NRIP1: variants seen among roughly 807,000 people sequenced by gnomAD.
The protein encoded by NRIP1 is nuclear receptor interacting protein 1, also known as nuclear receptor-interacting protein 1.
In NRIP1, 28 loss-of-function variants were observed where a neutral mutation model predicts 75.0. That is an observed-to-expected ratio of 0.37 (90% CI 0.28 to 0.51). NRIP1 has a LOEUF of 0.51. Among genes scored for constraint, NRIP1 ranks in the 20% least tolerant of loss-of-function variants. The pLI, the probability that NRIP1 is intolerant of heterozygous loss-of-function variation, is 0.92. For synonymous variants in NRIP1, 526 were observed against 487.6 expected (o/e 1.08, Z -1.04); for missense variants, 1,435 against 1,343.7 (o/e 1.07, Z -1.06).
chr21:14,966,152 C>A lies in NRIP1; in HGVS notation c.2041G>T (p.Val681Phe). 6.2e-7 allele frequency: 1 copy of A among 1,613,324 alleles called. No homozygotes were observed. The highest frequency in any genetic ancestry group is 8.5e-7 in the Non-Finnish European group (1 of 1,179,906). ...SPLLSNKTNA[V>F]EENKAFSSQP... The stretch of plus-strand genomic sequence containing the variant: ...CTACTAAATGCTTTATTTTCTTCAA[C>A]TGCATTTGTTTTATTTGAGAGCAAA... The change falls in exon 4 of 4, where the codon GTT becomes TTT. Residue 681 changes from valine (V) to phenylalanine (F), a missense_variant. By Grantham distance (50) the Val-to-Phe change is conservative. Transcript: ENST00000318948.
In NRIP1 at chr21:14,967,106, T is replaced by C; in HGVS notation, c.1087A>G (p.Lys363Glu). 1 of 1,614,146 alleles carries C rather than the reference T, an allele frequency of 6.2e-7. No homozygotes were observed. The stretch of plus-strand genomic sequence containing the variant: ...ATATTGTTTCTTTCCAGTGAGTTCT[T>C]ATAACCTGCATTTTTAGGGGAAGAA... ...IPSSPKNAGY[K>E]NSLERNNIKQ... The change falls in exon 4 of 4, where the codon AAG (lysine) becomes GAG (glutamate). Residue 363 changes from lysine to glutamate, a missense_variant. By Grantham distance (56) the Lys-to-Glu change is moderately conservative. Transcript: ENST00000318948.
chr21:15,018,857 C>T (rs1055776143), intron 2 of NRIP1, among the ~76,000 whole-genome samples: 1 of 152,050 alleles, frequency 6.6e-6, no homozygotes, highest in African/African-American at 2.4e-5. Flanking sequence ...AACTTCCAGT[C>T]TAGTGTTGAA....
At chr21:15,009,977 G>A (rs947257574) in intron 3 of NRIP1, among the ~76,000 whole-genome samples, 3 of 152,196 alleles carry the variant, frequency 2.0e-5, no homozygotes, top group Non-Finnish European at 4.4e-5. Context: ...GATGGCAGGT[G>A]GGGAGGAGGT....
intron 2 of NRIP1, among the ~76,000 whole-genome samples, chr21:15,040,988 C>A (rs2088939556): frequency 6.6e-6 from 1 of 152,098 alleles, no homozygotes; most frequent in Non-Finnish European, 1.5e-5. Context: ...CCCAGCAGTT[C>A]CACTCCCATG....
intron 2 of NRIP1, among the ~76,000 whole-genome samples, chr21:15,021,176 T>C (rs1030683591): frequency 2.6e-5 from 4 of 152,082 alleles, no homozygotes; most frequent in Non-Finnish European, 5.9e-5. Flanking sequence ...CCATCAACTA[T>C]TAAAGGCAAG....
chr21:14,992,987 C>T (rs1353276396), intron 3 of NRIP1: 1 of 153,618 alleles, frequency 6.5e-6, no homozygotes, highest in Non-Finnish European at 1.5e-5. Context: ...CATTGGATAG[C>T]TGATACTTGT....
At chr21:15,035,067 T>G (rs761228256) in intron 2 of NRIP1, among the ~76,000 whole-genome samples, 3 of 152,164 alleles carry the variant, frequency 2.0e-5, no homozygotes, top group Non-Finnish European at 2.9e-5. Flanking sequence ...TTAACTGATT[T>G]ACTAAGAGTA....
intron 3 of NRIP1, among the ~76,000 whole-genome samples, chr21:15,013,394 A>G (rs1373050870): frequency 6.6e-6 from 1 of 152,196 alleles, no homozygotes; most frequent in African/African-American, 2.4e-5. Flanking sequence ...ACAGGTAAAG[A>G]GCAAATTTGG....
chr21:15,057,572 C>A (rs561199803), intron 1 of NRIP1, among the ~76,000 whole-genome samples: 2 of 152,328 alleles, frequency 1.3e-5, no homozygotes, highest in African/African-American at 4.8e-5. Flanking sequence ...CTTGGAGAAT[C>A]CAGGCTATGA....
In NRIP1 at chr21:14,967,897, T is replaced by C; in HGVS notation, c.296A>G (p.Lys99Arg). 1 of 1,614,170 alleles carries C rather than the reference T, an allele frequency of 6.2e-7. No individual in the cohort carries two copies. The highest frequency in any genetic ancestry group is 8.5e-7 in the Non-Finnish European group (1 of 1,180,028). ...ATTCATGATAGAATCAGACAGCCTC[T>C]TCCGCTTTGCTGCATTCCAGTCCTC... is the stretch of plus-strand genomic sequence containing the variant. ...SSEDWNAAKR[K>R]RLSDSIMNLN... Residue 99 changes from lysine (K) to arginine (R), a missense_variant, in exon 4 of 4, where the codon AAG becomes AGG. Physicochemically the swap from Lys to Arg is conservative, Grantham distance 26. Transcript: ENST00000318948.
chr21:15,053,124 C>T (rs1020299293), intron 1 of NRIP1, among the ~76,000 whole-genome samples: 3 of 152,060 alleles, frequency 2.0e-5, no homozygotes, highest in Admixed American at 2.0e-4. Context: ...TGCCATTAAA[C>T]AGAATATACA....
At chr21:15,032,173 T>G (rs1023724915) in intron 2 of NRIP1, among the ~76,000 whole-genome samples, 1 of 152,238 alleles carries the variant, frequency 6.6e-6, no homozygotes, top group Non-Finnish European at 1.5e-5. Flanking sequence ...GGTTTTGATT[T>G]TTAGCTCAAA....
chr21:14,973,675 A>G (rs1438160085), intron 3 of NRIP1, among the ~76,000 whole-genome samples: 1 of 125,082 alleles, frequency 8.0e-6, no homozygotes, highest in African/African-American at 3.0e-5. Flanking sequence ...ATCAGCTCGC[A>G]TAATTTTTTT....
chr21:15,029,742 G>A (rs187314352), intron 2 of NRIP1, among the ~76,000 whole-genome samples: 6 of 152,190 alleles, frequency 3.9e-5, no homozygotes, highest in Admixed American at 1.3e-4. Context: ...CTTGAGCCCA[G>A]GAGTTTGAGG....
At chr21:15,060,021 T>C (rs530188015) in intron 1 of NRIP1, among the ~76,000 whole-genome samples, 1 of 152,310 alleles carries the variant, frequency 6.6e-6, no homozygotes, top group East Asian at 1.9e-4. Context: ...TGCATTTTGA[T>C]AAGCTAAAAT....
intron 1 of NRIP1, among the ~76,000 whole-genome samples, chr21:15,061,359 A>C (rs2089420104): frequency 6.6e-6 from 1 of 152,172 alleles, no homozygotes; most frequent in Admixed American, 6.5e-5. Context: ...GGAAAAGTAC[A>C]AGAGTGAAGA....
In NRIP1 at chr21:14,964,003, C is replaced by T. The variant is rs184371588; in HGVS notation, c.*713G>A. Reference sequence around the variant, plus strand: ...TTAATTTAGTAAAGTAGTTAAAATACAAAAAATGGAAATCTGCCTTTTTTT... The same window carrying T: ...TTAATTTAGTAAAGTAGTTAAAATATAAAAAATGGAAATCTGCCTTTTTTT... On this transcript the variant is annotated 3_prime_UTR_variant, in exon 4 of 4. Coordinates refer to ENST00000318948, the MANE Select transcript of NRIP1 (RefSeq NM_003489.4). 12 of 152,464 alleles carry T rather than the reference C, an allele frequency of 7.9e-5. No individual in the cohort carries two copies. The highest frequency in any genetic ancestry group is 7.9e-4 in the Admixed American group (12 of 15,260). 9.4% of individuals were successfully genotyped at this position (152,464 alleles called of 1,614,324 possible).
intron 3 of NRIP1, among the ~76,000 whole-genome samples, chr21:14,994,873 A>G (rs76883734): frequency 1.6e-3 from 238 of 152,322 alleles, no homozygotes; most frequent in African/African-American, 5.2e-3. Context: ...TCCTCTAAGT[A>G]CTCAACAAGT....
chr21:14,995,968 C>T (rs1301936519), intron 3 of NRIP1, among the ~76,000 whole-genome samples: 1 of 152,174 alleles, frequency 6.6e-6, no homozygotes, highest in East Asian at 1.9e-4. Flanking sequence ...GGCTCCAGTG[C>T]ATCTGACCAA....
Sources: allele counts gnomAD v4.1 joint callset (sites outside exome capture counted in the v4.1 genomes callset), GRCh38; gene constraint gnomAD v4.1.1; transcripts MANE v1.5; gene names NCBI Gene and HGNC (gene_info 2026-07-23, HGNC 2026-07-21).